Variants in ELP2 observed in about 807,000 individuals in gnomAD.
The protein encoded by ELP2 is elongator acetyltransferase complex subunit 2, also known as elongator complex protein 2.
ELP2 carries 90 observed loss-of-function variants against 119.2 expected under a neutral mutation model. The observed-to-expected ratio is 0.75, with a 90% CI of 0.64 to 0.90. The LOEUF is 0.90. ELP2 is among the 40% of genes least tolerant of loss of function. The probability of loss-of-function intolerance (pLI) is 0.00; values close to 1 mark genes in which losing one functional copy is unlikely to be tolerated. For missense variants in ELP2, 921 were observed against 967.8 expected (o/e 0.95, Z 0.64); for synonymous variants, 339 against 331.0 (o/e 1.02, Z -0.26).
Position 36,142,979 on chromosome 18 carries a change from G to C in ELP2, c.796+13G>C, listed in dbSNP as rs753664837. Reference sequence around the variant, plus strand: ...ATAGAAAATGAAAGTGAGTAATAATGAAAATATCCAATATAACGATACTTA... The same window carrying C: ...ATAGAAAATGAAAGTGAGTAATAATCAAAATATCCAATATAACGATACTTA... On this transcript the variant is annotated intron_variant, in intron 8 of 21. Transcript: ENST00000358232. 1 of 1,559,980 alleles carries C rather than the reference G, an allele frequency of 6.4e-7. No individual in the cohort carries two copies. Among genetic ancestry groups the C allele is most frequent in the East Asian group, 2.3e-5 (1 of 44,052 alleles).
In ELP2 at chr18:36,175,080, G is replaced by A. The variant is rs7244598; in HGVS notation, c.*439G>A. ...GCGATGAAAGCTATATGGACCCTTCGCTTTGTTATATAACATATGCACACA... is the reference window on the plus strand; with the variant it reads ...GCGATGAAAGCTATATGGACCCTTCACTTTGTTATATAACATATGCACACA... On this transcript the variant is annotated 3_prime_UTR_variant, in exon 22 of 22. Transcript: ENST00000358232. The A allele has an allele frequency of 8.4e-3, 1,425 of 170,608 alleles. 29 individuals are homozygous for A. The highest frequency in any genetic ancestry group is 0.031 in the African/African-American group (1,291 of 41,958). 10.6% of individuals were successfully genotyped at this position (170,608 alleles called of 1,614,324 possible). A position where few individuals can be genotyped will look rare whatever the true frequency, so the allele number is the denominator to read the frequency against.
rs113317136 is a variant in ELP2, at chr18:36,174,972, C to T, written c.*331C>T. 260 of 309,984 alleles carry T rather than the reference C, an allele frequency of 8.4e-4. 4 individuals are homozygous for T. Among genetic ancestry groups the T allele is most frequent in the South Asian group, 8.1e-3 (251 of 30,906 alleles). The allele number at this position is 309,984 out of a possible 1,614,324, so 19.2% of individuals were successfully genotyped here. A position where few individuals can be genotyped will look rare whatever the true frequency, so the allele number is the denominator to read the frequency against. ...CCTCCCAAAGTGCTGGGATTACAGG[C>T]GTGAGCCACTGCGCCCAGCCTGAGT... On this transcript the variant is annotated 3_prime_UTR_variant, in exon 22 of 22. Coordinates refer to ENST00000358232, the MANE Select transcript of ELP2 (RefSeq NM_018255.4).
chr18:36,135,942 A>C (rs574564184), intron 2 of ELP2, among the ~76,000 whole-genome samples: 124 of 152,344 alleles, frequency 8.1e-4, no homozygotes, highest in Non-Finnish European at 1.5e-3. Flanking sequence ...CATTACTGAG[A>C]GAATTGGGAC....
intron 17 of ELP2, among the ~76,000 whole-genome samples, chr18:36,163,526 G>A (rs2090805200): frequency 6.6e-6 from 1 of 151,288 alleles, no homozygotes; most frequent in Non-Finnish European, 1.5e-5. Context: ...TCTAGTCTTT[G>A]ATTCAAGGTC....
chr18:36,155,664 A>C (rs932951553), intron 12 of ELP2, among the ~76,000 whole-genome samples: 2 of 152,048 alleles, frequency 1.3e-5, no homozygotes, highest in African/African-American at 2.4e-5. Context: ...TCAGCCTCCC[A>C]AGTAACTAAG....
intron 19 of ELP2, 67 bp from the exon 20 acceptor site, chr18:36,169,996 A>C: frequency 6.2e-7 from 1 of 1,602,006 alleles, no homozygotes; most frequent in Non-Finnish European, 8.6e-7. Context: ...TTGCCGATGA[A>C]ACTGTAGTAC....
chr18:36,149,532 CTTG>C lies in ELP2; in HGVS notation c.1125+3158_1125+3160del, dbSNP rs1395818993. On this transcript the variant is annotated intron_variant, in intron 11 of 21. Transcript: ENST00000358232. ...AGAAATCATCCCTGCTGTTCCAGTA[CTTG>C]TTGTTGCAGGCCTGGTCCTGGACCA... Among the ~76,000 whole-genome samples the C allele has an allele frequency of 6.8e-5, 8 of 116,866 alleles. No individual in the cohort carries two copies. The East Asian group carries it at 1.4e-3, about 20-fold the overall frequency. 76.7% of individuals were successfully genotyped at this position (116,866 alleles called of 152,430 possible).
At chr18:36,158,946 C>A in intron 14 of ELP2, 42 bp downstream of exon 14, 2 of 1,356,548 alleles carry the variant, frequency 1.5e-6, no homozygotes, top group Non-Finnish European at 2.1e-6. Context: ...CATAGTGGTA[C>A]TTAAACCCCA....
Position 36,133,312 on chromosome 18 carries a change from T to A in ELP2, c.213T>A (p.Asp71Glu). The A allele has an allele frequency of 6.2e-7, 1 of 1,611,112 alleles. No individual in the cohort carries two copies. Among genetic ancestry groups the A allele is most frequent in the East Asian group, 2.2e-5 (1 of 44,858 alleles). ...GCATACAGTGGATTTGTAAACAGGATGGCTGTAAGTATTAACCAGATTTTA... is the reference window on the plus strand; with the variant it reads ...GCATACAGTGGATTTGTAAACAGGAAGGCTGTAAGTATTAACCAGATTTTA... ...VNCIQWICKQ[D>E]GSPSTELVSG... is the part of the protein sequence containing the mutation. The change falls in exon 2 of 22, where the codon GAT (aspartate) becomes GAA (glutamate). Residue 71 changes from aspartate to glutamate, a missense_variant. Coordinates refer to ENST00000358232, the MANE Select transcript of ELP2 (RefSeq NM_018255.4).
chr18:36,151,741 T>C (rs963274638), intron 11 of ELP2, among the ~76,000 whole-genome samples: 1 of 104,606 alleles, frequency 9.6e-6, no homozygotes, highest in South Asian at 3.4e-4. Context: ...TGTTCTGTTC[T>C]GTTTTTTTTT....
chr18:36,131,930 C>CTTTTTTTTTTT (rs5823996), intron 1 of ELP2, among the ~76,000 whole-genome samples: 1 of 79,874 alleles, frequency 1.3e-5, no homozygotes. Context: ...GCTGGTCGGG[C>CTTTTTTTTTTT]TTTTTTTTTT....
chr18:36,142,437 T>C, intron 7 of ELP2, 90 bp downstream of exon 7: 2 of 1,112,214 alleles, frequency 1.8e-6, no homozygotes, highest in Non-Finnish European at 2.7e-6. Flanking sequence ...AATTTTTAAG[T>C]TTTCTTTGTA....
chr18:36,159,019 G>T, intron 14 of ELP2, 115 bp downstream of exon 14: 1 of 739,360 alleles, frequency 1.4e-6, no homozygotes. Flanking sequence ...TTAAATCACA[G>T]TATATCTTTT....
chr18:36,174,657 C>A lies in ELP2; in HGVS notation c.*16C>A, dbSNP rs369702233. ...TGCACTGTAATGGACTTAATAACTA[C>A]ATGCTTGCAGTCACTGGTATCTTAA... On this transcript the variant is annotated 3_prime_UTR_variant, in exon 22 of 22. Transcript: ENST00000358232. 56 of 1,612,208 alleles carry A rather than the reference C, an allele frequency of 3.5e-5. No homozygotes were observed. The African/African-American group carries it at 7.1e-4, about 20-fold the overall frequency.
At chr18:36,142,416 T>C in intron 7 of ELP2, 69 bp downstream of exon 7, 1 of 1,293,724 alleles carries the variant, frequency 7.7e-7, no homozygotes, top group South Asian at 1.2e-5. Flanking sequence ...GAAAGCAGCC[T>C]TTTTTGTTTT....
intron 18 of ELP2, chr18:36,165,276 G>GAA (rs200667879): frequency 1.0e-3 from 140 of 139,728 alleles, no homozygotes; most frequent in Middle Eastern, 3.7e-3. Context: ...GGCATAAACT[G>GAA]AAAAAAAAAA....
chr18:36,137,332 G>A (rs8086452), intron 3 of ELP2: 26,255 of 152,108 alleles, frequency 0.17, 3,016 homozygotes, highest in East Asian at 0.39. Flanking sequence ...ACACACCACT[G>A]CACCTGGCTT....
At chr18:36,160,072 C>T in intron 16 of ELP2, 57 bp downstream of exon 16, 1 of 1,514,482 alleles carries the variant, frequency 6.6e-7, no homozygotes, top group Non-Finnish European at 9.2e-7. Flanking sequence ...TCTGACTTTT[C>T]CTCCCCACCC....
At chr18:36,168,380 C>T (rs148016222) in intron 19 of ELP2, among the ~76,000 whole-genome samples, 269 of 152,288 alleles carry the variant, frequency 1.8e-3, no homozygotes, top group Middle Eastern at 6.8e-3. Flanking sequence ...TTTCATGCTG[C>T]TATGAGGAAC....
Sources: gnomAD v4.1 joint callset for allele counts (sites outside exome capture counted in the v4.1 genomes callset) on GRCh38, gnomAD v4.1.1 for gene constraint, MANE v1.5 for transcripts, NCBI Gene and HGNC (gene_info 2026-07-23, HGNC 2026-07-21) for gene names.